The following MMP16 variants were observed in gnomAD, a reference collection of about 807,000 sequenced individuals.
The protein encoded by MMP16 is matrix metallopeptidase 16, also known as matrix metalloproteinase-16.
A neutral mutation model predicts 67.8 loss-of-function variants in MMP16; 12 were observed. That is an observed-to-expected ratio of 0.18 (90% confidence interval 0.11 to 0.29). The LOEUF (loss-of-function observed/expected upper bound fraction) is 0.29. Among genes scored for constraint, MMP16 ranks in the 10% least tolerant of loss-of-function variants. MMP16 has a pLI of 1.00. For missense variants in MMP16, 475 were observed against 765.7 expected (o/e 0.62, Z 4.48); for synonymous variants, 249 against 255.9 (o/e 0.97, Z 0.26).
intron 4 of MMP16, among the ~76,000 whole-genome samples, chr8:88,132,337 C>A (rs1276018610): frequency 6.6e-6 from 1 of 151,796 alleles, no homozygotes; most frequent in East Asian, 1.9e-4. Flanking sequence ...CATAACAAAT[C>A]CACAGCTTAA....
At chr8:88,149,054 G>T (rs981917720) in intron 4 of MMP16, among the ~76,000 whole-genome samples, 1 of 152,224 alleles carries the variant, frequency 6.6e-6, no homozygotes, top group Admixed American at 6.5e-5. Context: ...CCTGGGAAGC[G>T]CAAGGGGTCA....
intron 4 of MMP16, among the ~76,000 whole-genome samples, chr8:88,131,295 A>ACACACACAC (rs397711519): frequency 6.6e-6 from 1 of 151,124 alleles, no homozygotes; most frequent in Non-Finnish European, 1.5e-5. Context: ...ACACACACAC[A>ACACACACAC]ATCTTCCATA....
intron 6 of MMP16, among the ~76,000 whole-genome samples, chr8:88,076,931 A>G (rs1808660893): frequency 6.6e-6 from 1 of 152,150 alleles, no homozygotes; most frequent in African/African-American, 2.4e-5. Flanking sequence ...TTTCCCACAA[A>G]AGCCCTTCCC....
intron 1 of MMP16, among the ~76,000 whole-genome samples, chr8:88,311,647 G>T (rs1211513919): frequency 6.6e-6 from 1 of 151,844 alleles, no homozygotes; most frequent in African/African-American, 2.4e-5. Flanking sequence ...AATTCTCTTA[G>T]ATTTATCTAA....
chr8:88,179,763 C>G (rs1230646685), intron 3 of MMP16, among the ~76,000 whole-genome samples: 1 of 152,084 alleles, frequency 6.6e-6, no homozygotes, highest in African/African-American at 2.4e-5. Flanking sequence ...ACTTAGATTA[C>G]TTGCACATGT....
At chr8:88,102,264 G>A (rs1368377951) in intron 6 of MMP16, among the ~76,000 whole-genome samples, 1 of 151,820 alleles carries the variant, frequency 6.6e-6, no homozygotes, top group Non-Finnish European at 1.5e-5. Flanking sequence ...CAGAACTTCT[G>A]ACCAACTGGC....
chr8:88,255,735 T>A (rs1019704778), intron 1 of MMP16, among the ~76,000 whole-genome samples: 1 of 152,204 alleles, frequency 6.6e-6, no homozygotes, highest in African/African-American at 2.4e-5. Flanking sequence ...AGTTAAGGGC[T>A]GATTGTTAGG....
chr8:88,314,410 T>C (rs1467337043), intron 1 of MMP16, among the ~76,000 whole-genome samples: 2 of 152,206 alleles, frequency 1.3e-5, no homozygotes, highest in East Asian at 3.9e-4. Flanking sequence ...TGCCTGACAA[T>C]TTTTTATTAT....
At chr8:88,259,829 C>T (rs1330839416) in intron 1 of MMP16, among the ~76,000 whole-genome samples, 1 of 152,140 alleles carries the variant, frequency 6.6e-6, no homozygotes, top group African/African-American at 2.4e-5. Context: ...CTACTGAGCA[C>T]CCTGCCTCAC....
chr8:88,197,324 G>T lies in MMP16; in HGVS notation c.133-18C>A, dbSNP rs778683876. ...AACCAAACCTGCAATAACAAGTACA[G>T]TTTCTTTTAGATCAATTTTACAATT... is the stretch of plus-strand genomic sequence containing the variant. On this transcript the variant is annotated intron_variant, in intron 1 of 9. Coordinates refer to ENST00000286614, the MANE Select transcript of MMP16 (RefSeq NM_005941.5). The T allele has an allele frequency of 2.0e-6, 3 of 1,523,180 alleles. No homozygotes were observed. Among genetic ancestry groups the T allele is most frequent in the South Asian group, 1.3e-5 (1 of 77,964 alleles). 94.4% of individuals were successfully genotyped at this position (1,523,180 alleles called of 1,614,324 possible).
chr8:88,161,827 A>C (rs1359461593), intron 4 of MMP16, among the ~76,000 whole-genome samples: 1 of 152,108 alleles, frequency 6.6e-6, no homozygotes, highest in Non-Finnish European at 1.5e-5. Flanking sequence ...GTCACTATTC[A>C]GGAGCAGGTT....
intron 1 of MMP16, among the ~76,000 whole-genome samples, chr8:88,273,977 A>G (rs1004067906): frequency 3.3e-5 from 5 of 152,070 alleles, no homozygotes; most frequent in African/African-American, 1.2e-4. Context: ...CATCACCATC[A>G]TCATCATCAT....
chr8:88,224,660 A>G (rs1365342213), intron 1 of MMP16, among the ~76,000 whole-genome samples: 1 of 152,074 alleles, frequency 6.6e-6, no homozygotes, highest in African/African-American at 2.4e-5. Flanking sequence ...CTTGAACTGA[A>G]TAATTTAGCA....
chr8:88,206,006 C>A (rs1159927960), intron 1 of MMP16, among the ~76,000 whole-genome samples: 3 of 152,014 alleles, frequency 2.0e-5, no homozygotes, highest in Non-Finnish European at 4.4e-5. Context: ...TTTCTGCTGC[C>A]ACTCCTTTGT....
Position 88,327,305 on chromosome 8 carries a change from G to C in MMP16, c.-99C>G. On this transcript the variant is annotated 5_prime_UTR_variant, in exon 1 of 10. Coordinates refer to ENST00000286614, the MANE Select transcript of MMP16 (RefSeq NM_005941.5). Reference sequence around the variant, plus strand: ...TTTCCTTTCAAAAAAAAGTCCTCCGGGTGGGTAAGGAGCCTGCAGGTTCAC... The same window carrying C: ...TTTCCTTTCAAAAAAAAGTCCTCCGCGTGGGTAAGGAGCCTGCAGGTTCAC... 6.5e-7 allele frequency: 1 copy of C among 1,530,516 alleles called. No homozygotes were observed. The highest frequency in any genetic ancestry group is 2.3e-5 in the East Asian group (1 of 43,516). 94.8% of individuals were successfully genotyped at this position (1,530,516 alleles called of 1,614,324 possible).
intron 6 of MMP16, among the ~76,000 whole-genome samples, chr8:88,083,790 T>C (rs1808791313): frequency 6.6e-6 from 1 of 151,970 alleles, no homozygotes; most frequent in African/African-American, 2.4e-5. Context: ...CAACTCCCAA[T>C]TAAATAACTG....
At chr8:88,149,128 C>G (rs1189946502) in intron 4 of MMP16, among the ~76,000 whole-genome samples, 1 of 152,208 alleles carries the variant, frequency 6.6e-6, no homozygotes, top group Non-Finnish European at 1.5e-5. Context: ...GGGTCACTCC[C>G]ACCCGAATAT....
At chr8:88,324,796 A>G (rs1454669266) in intron 1 of MMP16, among the ~76,000 whole-genome samples, 1 of 152,180 alleles carries the variant, frequency 6.6e-6, no homozygotes, top group Non-Finnish European at 1.5e-5. Context: ...AATTTATGTC[A>G]GAAAACATCC....
chr8:88,299,418 A>G (rs1010410800), intron 1 of MMP16, among the ~76,000 whole-genome samples: 1 of 152,208 alleles, frequency 6.6e-6, no homozygotes, highest in African/African-American at 2.4e-5. Flanking sequence ...TAGCAAGATG[A>G]AAAGGAAAGG....
Sources: allele counts gnomAD v4.1 joint callset (sites outside exome capture counted in the v4.1 genomes callset), GRCh38; gene constraint gnomAD v4.1.1; transcripts MANE v1.5; gene names NCBI Gene and HGNC (gene_info 2026-07-23, HGNC 2026-07-21).